TSPAN9: variants seen among roughly 807,000 people sequenced by gnomAD.
The protein encoded by TSPAN9 is tetraspanin-9.
A neutral mutation model predicts 31.0 loss-of-function variants in TSPAN9; 16 were observed. The observed-to-expected ratio is 0.52, with a 90% CI of 0.35 to 0.78. The LOEUF (loss-of-function observed/expected upper bound fraction) is 0.78. Among genes scored for constraint, TSPAN9 ranks in the 30% least tolerant of loss-of-function variants. The pLI is 0.01. For missense variants in TSPAN9, 272 were observed against 312.5 expected (o/e 0.87, Z 0.98); for synonymous variants, 145 against 121.6 (o/e 1.19, Z -1.27).
chr12:3,270,557 C>T (rs1038548295), intron 3 of TSPAN9, among the ~76,000 whole-genome samples: 2 of 152,236 alleles, frequency 1.3e-5, no homozygotes, highest in Admixed American at 1.3e-4. Flanking sequence ...GGCAGGTGCC[C>T]CCCATACTGA....
At chr12:3,235,964 G>A (rs11614248) in intron 3 of TSPAN9, among the ~76,000 whole-genome samples, 5,595 of 152,364 alleles carry the variant, frequency 0.037, 152 homozygotes, top group Middle Eastern at 0.085. Context: ...GGATTCCCCT[G>A]GACCTGCTGC....
intron 2 of TSPAN9, among the ~76,000 whole-genome samples, chr12:3,165,243 T>C (rs1380043101): frequency 6.6e-6 from 1 of 152,140 alleles, no homozygotes; most frequent in Admixed American, 6.5e-5. Context: ...GAGTCCTCAG[T>C]GCATCTAGAT....
intron 3 of TSPAN9, among the ~76,000 whole-genome samples, chr12:3,277,749 G>A (rs546601081): frequency 2.7e-4 from 41 of 152,322 alleles, no homozygotes; most frequent in African/African-American, 9.6e-4. Context: ...CGGTTTGGGG[G>A]CCGATCATGC....
chr12:3,246,352 C>T (rs1460665505), intron 3 of TSPAN9, among the ~76,000 whole-genome samples: 2 of 152,106 alleles, frequency 1.3e-5, no homozygotes, highest in Non-Finnish European at 1.5e-5. Flanking sequence ...AATATCCAAA[C>T]TCTATCACCC....
intron 3 of TSPAN9, among the ~76,000 whole-genome samples, chr12:3,262,757 G>A (rs1458192342): frequency 2.6e-5 from 4 of 152,086 alleles, no homozygotes; most frequent in East Asian, 3.9e-4. Flanking sequence ...GGACTCAGAC[G>A]TAATTGATTC....
rs149804062 is a variant in TSPAN9, at chr12:3,114,099, A to G, written c.-18+30380A>G. Among the ~76,000 whole-genome samples, 49 of 152,334 alleles carry G rather than the reference A, an allele frequency of 3.2e-4. 2 individuals are homozygous for G. Among genetic ancestry groups the G allele is most frequent in the African/African-American group, 1.1e-3 (46 of 41,584 alleles). On this transcript the variant is annotated intron_variant, in intron 2 of 8. Coordinates refer to ENST00000011898, the MANE Select transcript of TSPAN9 (RefSeq NM_006675.5). ...CTGACATCTAGCTCTGTGATCAGCCAGTTTCATCTGTCAAGGACCTGACTG... is the reference window on the plus strand; with the variant it reads ...CTGACATCTAGCTCTGTGATCAGCCGGTTTCATCTGTCAAGGACCTGACTG...
chr12:3,084,514 C>T (rs1316819772), intron 2 of TSPAN9, among the ~76,000 whole-genome samples: 6 of 152,100 alleles, frequency 3.9e-5, no homozygotes, highest in Non-Finnish European at 7.4e-5. Context: ...ATTCTCTTGT[C>T]TGTGAGTTCC....
chr12:3,283,769 A>G lies in TSPAN9; in HGVS notation c.*653A>G, dbSNP rs1438036552. 6.6e-6 allele frequency: 1 copy of G among 152,582 alleles called. No individual in the cohort carries two copies. Among genetic ancestry groups the G allele is most frequent in the Admixed American group, 6.5e-5 (1 of 15,286 alleles). 9.5% of individuals were successfully genotyped at this position (152,582 alleles called of 1,614,324 possible). A position where few individuals can be genotyped will look rare whatever the true frequency, so the allele number is the denominator to read the frequency against. On this transcript the variant is annotated 3_prime_UTR_variant, in exon 9 of 9. Transcript: ENST00000011898. Reference sequence around the variant, plus strand: ...CTGAGGGTGAGGGATGGGTGGGAAGAGAGGACATCTGTCCAGTCTCAATCA... The same window carrying G: ...CTGAGGGTGAGGGATGGGTGGGAAGGGAGGACATCTGTCCAGTCTCAATCA...
chr12:3,141,763 G>A (rs920830116), intron 2 of TSPAN9, among the ~76,000 whole-genome samples: 2 of 152,106 alleles, frequency 1.3e-5, no homozygotes, highest in African/African-American at 2.4e-5. Context: ...TCTGAGTTGG[G>A]GCCACCCATG....
chr12:3,119,783 G>T (rs1000713267), intron 2 of TSPAN9, among the ~76,000 whole-genome samples: 1 of 152,164 alleles, frequency 6.6e-6, no homozygotes, highest in African/African-American at 2.4e-5. Flanking sequence ...TTGGGCTTTT[G>T]CTCCTGTGGG....
intron 3 of TSPAN9, among the ~76,000 whole-genome samples, chr12:3,228,030 C>G (rs1217839618): frequency 2.0e-5 from 3 of 152,144 alleles, no homozygotes; most frequent in Non-Finnish European, 2.9e-5. Context: ...GTACCAGGCA[C>G]TATGCTAAAT....
intron 3 of TSPAN9, among the ~76,000 whole-genome samples, chr12:3,230,861 C>T (rs1383720670): frequency 6.6e-6 from 1 of 152,152 alleles, no homozygotes; most frequent in African/African-American, 2.4e-5. Context: ...CTGGAGACCC[C>T]TGCAGGACTC....
At chr12:3,083,421 T>C (rs996171909) in intron 1 of TSPAN9, among the ~76,000 whole-genome samples, 3 of 152,190 alleles carry the variant, frequency 2.0e-5, no homozygotes, top group Non-Finnish European at 2.9e-5. Flanking sequence ...GCAGCTGTCT[T>C]TTCTGCTGGG....
rs528248258 is a variant in TSPAN9 at position 3,271,325 on chromosome 12, G to A, written c.64-7096G>A. Among the ~76,000 whole-genome samples, 4 of 152,288 alleles carry A rather than the reference G, an allele frequency of 2.6e-5. No homozygotes were observed. In the East Asian group the frequency reaches 7.7e-4, roughly 29 times the overall value. On this transcript the variant is annotated intron_variant, in intron 3 of 8. Transcript: ENST00000011898. ...GCTATGGCTGCCACTCAAGCCAATG[G>A]GGCCTTAGGCTGAATTACTAGAAGT...
chr12:3,148,759 C>G (rs1334938475), intron 2 of TSPAN9, among the ~76,000 whole-genome samples: 2 of 152,246 alleles, frequency 1.3e-5, no homozygotes, highest in Non-Finnish European at 2.9e-5. Context: ...TCCTCTCCAG[C>G]TCGGCTGGGA....
intron 3 of TSPAN9, among the ~76,000 whole-genome samples, chr12:3,240,519 C>G (rs1330617386): frequency 6.6e-6 from 1 of 152,162 alleles, no homozygotes; most frequent in East Asian, 1.9e-4. Flanking sequence ...GTGACGTGCT[C>G]GAGCTCACAC....
chr12:3,092,214 C>G (rs1018065381), intron 2 of TSPAN9, among the ~76,000 whole-genome samples: 7 of 152,192 alleles, frequency 4.6e-5, no homozygotes, highest in Non-Finnish European at 8.8e-5. Context: ...CAGGCCCTCC[C>G]TGACTCCTTA....
intron 3 of TSPAN9, among the ~76,000 whole-genome samples, chr12:3,224,874 G>C (rs1565621383): frequency 6.6e-6 from 1 of 152,194 alleles, no homozygotes; most frequent in East Asian, 1.9e-4. Flanking sequence ...TGAGGGGCTT[G>C]TGGGGGGCTG....
chr12:3,197,993 T>C (rs1448039417), intron 2 of TSPAN9, among the ~76,000 whole-genome samples: 15 of 2,154 alleles, frequency 7.0e-3, no homozygotes, highest in African/African-American at 6.7e-3. Flanking sequence ...CAGGTCACCA[T>C]CAGCACAGGC....
Sources: allele counts gnomAD v4.1 joint callset (sites outside exome capture counted in the v4.1 genomes callset), GRCh38; gene constraint gnomAD v4.1.1; transcripts MANE v1.5; gene names NCBI Gene and HGNC (gene_info 2026-07-23, HGNC 2026-07-21).